SLC4A10: variants seen among roughly 807,000 people sequenced by gnomAD.
SLC4A10 encodes solute carrier family 4 member 10, also known as sodium-driven chloride bicarbonate exchanger.
A neutral mutation model predicts 137.7 loss-of-function variants in SLC4A10; 42 were observed. The observed-to-expected ratio is 0.30, with a 90% CI of 0.24 to 0.39. SLC4A10 has a LOEUF of 0.39. SLC4A10 is among the 10% of genes least tolerant of loss of function. SLC4A10 has a pLI of 1.00. For missense variants in SLC4A10, 925 were observed against 1,355.0 expected (o/e 0.68, Z 4.98); for synonymous variants, 474 against 464.1 (o/e 1.02, Z -0.27).
chr2:161,904,733 C>A (rs373082167), intron 13 of SLC4A10, 43 bp from the exon 14 acceptor site: 1 of 1,610,208 alleles, frequency 6.2e-7, no homozygotes, highest in Non-Finnish European at 8.5e-7. Context: ...ACAATGGCCT[C>A]CTGTACAGCT....
chr2:161,772,996 C>T (rs2051840384), intron 2 of SLC4A10, among the ~76,000 whole-genome samples: 1 of 151,632 alleles, frequency 6.6e-6, no homozygotes, highest in African/African-American at 2.4e-5. Context: ...TGGGAGAGCA[C>T]CAAGGAGAAA....
intron 21 of SLC4A10, among the ~76,000 whole-genome samples, chr2:161,962,743 A>G (rs916800896): frequency 6.6e-6 from 1 of 152,158 alleles, no homozygotes; most frequent in Non-Finnish European, 1.5e-5. Flanking sequence ...AAGGAAGGCC[A>G]TGTCATGCCA....
intron 2 of SLC4A10, among the ~76,000 whole-genome samples, chr2:161,788,156 G>A (rs750449896): frequency 2.6e-5 from 4 of 151,642 alleles, no homozygotes; most frequent in Non-Finnish European, 5.9e-5. Context: ...GGGGTTTCTC[G>A]GTGCCAAGAC....
At chr2:161,864,046 A>G (rs1342217493) in intron 6 of SLC4A10, among the ~76,000 whole-genome samples, 2 of 151,994 alleles carry the variant, frequency 1.3e-5, no homozygotes, top group Non-Finnish European at 1.5e-5. Flanking sequence ...CTAAAAATAC[A>G]GAAAAATTAG....
intron 15 of SLC4A10, among the ~76,000 whole-genome samples, chr2:161,932,519 G>C (rs1478188866): frequency 6.6e-6 from 1 of 152,104 alleles, no homozygotes; most frequent in Non-Finnish European, 1.5e-5. Context: ...CCTTAGTCTA[G>C]TACCTCGGTA....
In SLC4A10 at chr2:161,870,881, T is replaced by C. The variant is rs999300237; in HGVS notation, c.767-1412T>C. ...TCATTTTATTTTCATCTTCTCCAAATATATTCTTTTACATTTTTTAATGAA... is the reference window on the plus strand; with the variant it reads ...TCATTTTATTTTCATCTTCTCCAAACATATTCTTTTACATTTTTTAATGAA... On this transcript the variant is annotated intron_variant, in intron 6 of 26. Transcript: ENST00000446997. Among the ~76,000 whole-genome samples the C allele has an allele frequency of 2.6e-5, 4 of 152,002 alleles. No homozygotes were observed. In the East Asian group the frequency reaches 7.7e-4, roughly 29 times the overall value.
intron 1 of SLC4A10, among the ~76,000 whole-genome samples, chr2:161,765,632 C>T (rs2050726050): frequency 6.7e-6 from 1 of 148,760 alleles, no homozygotes; most frequent in African/African-American, 2.5e-5. Flanking sequence ...AAAAGTGTAT[C>T]CTGATGGTGT....
intron 1 of SLC4A10, among the ~76,000 whole-genome samples, chr2:161,732,428 T>C (rs1422744992): frequency 6.6e-6 from 1 of 152,208 alleles, no homozygotes; most frequent in African/African-American, 2.4e-5. Context: ...CTATATATTT[T>C]ACCATGTCAC....
intron 20 of SLC4A10, among the ~76,000 whole-genome samples, chr2:161,957,986 G>A (rs559797139): frequency 3.3e-5 from 5 of 152,138 alleles, no homozygotes; most frequent in Admixed American, 2.6e-4. Context: ...AAGTAATTAT[G>A]TTATAGACAT....
At chr2:161,769,564 G>A (rs2051310530) in intron 1 of SLC4A10, among the ~76,000 whole-genome samples, 1 of 151,834 alleles carries the variant, frequency 6.6e-6, no homozygotes, top group Non-Finnish European at 1.5e-5. Context: ...TTTGACTTTA[G>A]CATTTTCCTT....
chr2:161,983,918 A>G lies in SLC4A10; in HGVS notation c.*766A>G, dbSNP rs573651468. ...ATGATCAAATACTAGGCTTGTACGA[A>G]ATGCTTTAGAAAAACTTTGTAACAG... On this transcript the variant is annotated 3_prime_UTR_variant, in exon 27 of 27. Coordinates refer to ENST00000446997, the MANE Select transcript of SLC4A10 (RefSeq NM_001178015.2). 32 of 152,344 alleles carry G rather than the reference A, an allele frequency of 2.1e-4. No individual in the cohort carries two copies. The highest frequency in any genetic ancestry group is 7.7e-4 in the African/African-American group (32 of 41,582). 9.4% of individuals were successfully genotyped at this position (152,344 alleles called of 1,614,324 possible).
chr2:161,699,153 G>A (rs967119206), intron 1 of SLC4A10, among the ~76,000 whole-genome samples: 1 of 152,144 alleles, frequency 6.6e-6, no homozygotes, highest in African/African-American at 2.4e-5. Context: ...AGGAGTAGCT[G>A]GGACTACAGG....
intron 1 of SLC4A10, among the ~76,000 whole-genome samples, chr2:161,768,151 A>G (rs1645500646): frequency 6.6e-6 from 1 of 151,972 alleles, no homozygotes; most frequent in African/African-American, 2.4e-5. Context: ...AGACTCCCCA[A>G]TTATAATCTA....
At chr2:161,754,502 G>T (rs2049366220) in intron 1 of SLC4A10, among the ~76,000 whole-genome samples, 1 of 152,164 alleles carries the variant, frequency 6.6e-6, no homozygotes, top group African/African-American at 2.4e-5. Context: ...TGCCCAAAAT[G>T]TGTCTTCTTC....
chr2:161,854,176 A>G (rs892627706), intron 4 of SLC4A10, among the ~76,000 whole-genome samples: 2 of 152,214 alleles, frequency 1.3e-5, no homozygotes, highest in South Asian at 2.1e-4. Flanking sequence ...TAAATTGGTC[A>G]TCTATTAGGA....
In SLC4A10 at chr2:161,950,737, A is replaced by G. The variant is rs1575806531; in HGVS notation, c.2430A>G (p.Pro810=). The G allele has an allele frequency of 6.3e-7, 1 of 1,595,836 alleles. No homozygotes were observed. Among genetic ancestry groups the G allele is most frequent in the Non-Finnish European group, 8.5e-7 (1 of 1,170,246 alleles). The part of the protein sequence containing the change: ...GWFVTPLGPN[P]WWTVIAAIIP... The stretch of plus-strand genomic sequence containing the variant: ...TTGTTACGCCTTTAGGTCCAAACCC[A>G]TGGTGGACAGTAATAGCTGCTATAA... The change falls in exon 19 of 27, where the codon CCA becomes CCG. Residue 810 remains proline, a synonymous_variant. Transcript: ENST00000446997.
At chr2:161,775,121 A>G (rs898677113) in intron 2 of SLC4A10, among the ~76,000 whole-genome samples, 1 of 151,894 alleles carries the variant, frequency 6.6e-6, no homozygotes, top group Non-Finnish European at 1.5e-5. Flanking sequence ...GGCCTAAATT[A>G]TGTGTCAGTG....
chr2:161,916,125 C>G (rs924170595), intron 15 of SLC4A10, among the ~76,000 whole-genome samples: 1 of 152,136 alleles, frequency 6.6e-6, no homozygotes, highest in African/African-American at 2.4e-5. Flanking sequence ...AAATAAATTT[C>G]AGTTTTTAAG....
At position 161,770,992 on chromosome 2, in the gene SLC4A10, T is replaced by C. The variant is rs1235280305; in HGVS notation, c.68T>C (p.Val23Ala). ...LLPTRNDEEA[V>A]VDRGGTRSIL... is the part of the protein sequence containing the mutation. ...TAACAGAGAAATGATGAAGAAGCAG[T>C]TGTGGATAGAGGTGGAACTCGTTCT... The change falls in exon 2 of 27, where the codon GTT becomes GCT. Residue 23 changes from valine to alanine, a missense_variant. Transcript: ENST00000446997. The C allele has an allele frequency of 1.9e-6, 3 of 1,605,770 alleles. No homozygotes were observed. Among genetic ancestry groups the C allele is most frequent in the Non-Finnish European group, 2.6e-6 (3 of 1,175,398 alleles).
Sources: allele counts gnomAD v4.1 joint callset (sites outside exome capture counted in the v4.1 genomes callset), GRCh38; gene constraint gnomAD v4.1.1; transcripts MANE v1.5; gene names NCBI Gene and HGNC (gene_info 2026-07-23, HGNC 2026-07-21).